The following ZMYM2 variants were observed in gnomAD, a reference collection of about 807,000 sequenced individuals.
The protein encoded by ZMYM2 is zinc finger MYM-type protein 2.
In ZMYM2, 56 loss-of-function variants were observed where a neutral mutation model predicts 162.8. The observed-to-expected ratio is 0.34, with a 90% CI of 0.28 to 0.43. The LOEUF is 0.43. Ranked by LOEUF, ZMYM2 falls within the 20% of genes least tolerant of loss-of-function variation. ZMYM2 has a pLI of 1.00. For missense variants in ZMYM2, 1,275 were observed against 1,621.8 expected (o/e 0.79, Z 3.67); for synonymous variants, 510 against 541.6 (o/e 0.94, Z 0.81).
intron 12 of ZMYM2, among the ~76,000 whole-genome samples, chr13:20,049,576 T>G (rs1303236435): frequency 6.6e-6 from 1 of 152,086 alleles, no homozygotes; most frequent in Non-Finnish European, 1.5e-5. Context: ...CTCTGCTCAT[T>G]TATAGTAACT....
chr13:20,074,898 T>C (rs1957378120), intron 21 of ZMYM2, among the ~76,000 whole-genome samples: 1 of 152,218 alleles, frequency 6.6e-6, no homozygotes, highest in South Asian at 2.1e-4. Flanking sequence ...AAAAGTTGTT[T>C]TACTACTAAA....
chr13:19,991,048 CTGTGTGTGTGTGTGTGTACGTATGTATTT>C (rs762245627), intron 2 of ZMYM2, among the ~76,000 whole-genome samples: 92 of 141,378 alleles, frequency 6.5e-4, no homozygotes, highest in Admixed American at 2.7e-3. Context: ...AATTTTCTCT[CTGTGTGTGTGTGTGTGTACGTATGTATTT>C]TCTGTGTGTG....
intron 9 of ZMYM2, among the ~76,000 whole-genome samples, chr13:20,030,491 T>C (rs951083419): frequency 1.3e-5 from 2 of 150,388 alleles, no homozygotes. Context: ...CTCCACCTCC[T>C]GGGTTCACGC....
chr13:20,007,822 T>C (rs1045400263), intron 6 of ZMYM2, among the ~76,000 whole-genome samples: 1 of 151,934 alleles, frequency 6.6e-6, no homozygotes, highest in Non-Finnish European at 1.5e-5. Context: ...GGATTCACCA[T>C]GTTGGCCAGG....
intron 1 of ZMYM2, among the ~76,000 whole-genome samples, 164 bp downstream of exon 1, chr13:19,959,005 C>T (rs999259469): frequency 2.0e-5 from 3 of 151,896 alleles, no homozygotes; most frequent in Admixed American, 1.3e-4. Context: ...GATTAATACC[C>T]CGCGGCGCGG....
rs1958260378 is a variant in ZMYM2, at chr13:20,086,239, ATTAT to A, written c.*232_*235del. 1 of 345,082 alleles carries A rather than the reference ATTAT, an allele frequency of 2.9e-6. No homozygotes were observed. The highest frequency in any genetic ancestry group is 5.2e-6 in the Non-Finnish European group (1 of 190,658). The allele number at this position is 345,082 out of a possible 1,614,324, so 21.4% of individuals were successfully genotyped here. On this transcript the variant is annotated 3_prime_UTR_variant, in exon 25 of 25. Coordinates refer to ENST00000610343, the MANE Select transcript of ZMYM2 (RefSeq NM_197968.4). ...AATACATTCAAATTCTTTTTTTATT[ATTAT>A]TTATTTGATTAGGTATGTTTGTAAC... is the stretch of plus-strand genomic sequence containing the variant.
the ZMYM2 span, among the ~76,000 whole-genome samples, chr13:19,931,201 T>G: frequency 6.6e-6 from 1 of 151,820 alleles, no homozygotes; most frequent in African/African-American, 2.4e-5. Flanking sequence ...TTTGTTAATA[T>G]TCTCTATTGT....
intron 2 of ZMYM2, among the ~76,000 whole-genome samples, chr13:19,984,778 A>G (rs762795881): frequency 3.7e-4 from 56 of 152,284 alleles, no homozygotes; most frequent in Admixed American, 9.2e-4. Flanking sequence ...TCATAGTTGA[A>G]TGGTTATTCT....
intron 19 of ZMYM2, among the ~76,000 whole-genome samples, chr13:20,065,285 C>T (rs1253775536): frequency 6.6e-6 from 1 of 151,876 alleles, no homozygotes; most frequent in African/African-American, 2.4e-5. Context: ...TGCTTGACAC[C>T]AAACACAACA....
chr13:19,909,365 C>A, the ZMYM2 span, among the ~76,000 whole-genome samples: 1 of 151,352 alleles, frequency 6.6e-6, no homozygotes, highest in South Asian at 2.1e-4. Context: ...AAACCAGTAA[C>A]TTTCCTTCTG....
At chr13:19,927,802 T>C in the ZMYM2 span, among the ~76,000 whole-genome samples, 3,680 of 152,272 alleles carry the variant, frequency 0.024, 114 homozygotes, top group East Asian at 0.13. Flanking sequence ...TCTCCTAACA[T>C]TTTATATTGT....
At chr13:19,881,538 C>G in the ZMYM2 span, among the ~76,000 whole-genome samples, 1 of 151,862 alleles carries the variant, frequency 6.6e-6, no homozygotes, top group African/African-American at 2.4e-5. Flanking sequence ...GGCAGAATTC[C>G]TTGAACCCAG....
At chr13:19,927,842 G>A in the ZMYM2 span, among the ~76,000 whole-genome samples, 1 of 152,078 alleles carries the variant, frequency 6.6e-6, no homozygotes. Context: ...ATCCTAATGG[G>A]ATTAACATAA....
intron 3 of ZMYM2, among the ~76,000 whole-genome samples, chr13:19,999,688 A>G (rs185876800): frequency 2.5e-4 from 38 of 152,358 alleles, no homozygotes; most frequent in African/African-American, 8.4e-4. Context: ...AAAAGCCTAG[A>G]AAGGCTGAGA....
rs1189528855 is a variant in ZMYM2, at chr13:20,030,028, C to G, written c.1852-1291C>G. On this transcript the variant is annotated intron_variant, in intron 9 of 24. Coordinates refer to ENST00000610343, the MANE Select transcript of ZMYM2 (RefSeq NM_197968.4). ...CAGGCTGGTCTCGAACTCCTGACTT[C>G]CAGCGATCCGCCTGCCTCTGCCTCC... Among the ~76,000 whole-genome samples, 5 of 151,868 alleles carry G rather than the reference C, an allele frequency of 3.3e-5. No individual in the cohort carries two copies. The East Asian group carries it at 9.7e-4, about 29-fold the overall frequency.
the ZMYM2 span, among the ~76,000 whole-genome samples, chr13:19,883,854 T>C: frequency 2.6e-5 from 4 of 152,142 alleles, no homozygotes; most frequent in African/African-American, 9.7e-5. Context: ...CCTCCCAAGT[T>C]TGAGTAACTC....
At position 20,052,317 on chromosome 13, in the gene ZMYM2, T is replaced by A; in HGVS notation, c.2493+6T>A. On this transcript the variant is annotated splice_donor_region_variant and intron_variant, in intron 14 of 24. Transcript: ENST00000610343. Reference sequence around the variant, plus strand: ...CATCTCGAACCAAAATGACAGTAAGTATTGGTGAAATGGAGTGCTGAATTG... The same window carrying A: ...CATCTCGAACCAAAATGACAGTAAGAATTGGTGAAATGGAGTGCTGAATTG... 1 of 1,570,544 alleles carries A rather than the reference T, an allele frequency of 6.4e-7. No homozygotes were observed. Among genetic ancestry groups the A allele is most frequent in the Non-Finnish European group, 8.6e-7 (1 of 1,156,976 alleles).
intron 21 of ZMYM2, among the ~76,000 whole-genome samples, chr13:20,068,855 GTTTTAA>G (rs1353032669): frequency 1.3e-5 from 2 of 152,188 alleles, no homozygotes; most frequent in Middle Eastern, 3.4e-3. Context: ...GGCTCCTCTT[GTTTTAA>G]TTCATTCCTA....
the ZMYM2 span, among the ~76,000 whole-genome samples, chr13:19,891,063 C>T: frequency 2.6e-5 from 4 of 151,848 alleles, no homozygotes; most frequent in East Asian, 7.7e-4. Context: ...TGTATCTCCC[C>T]CAAAATGTTT....
Sources: allele counts gnomAD v4.1 joint callset (sites outside exome capture counted in the v4.1 genomes callset), GRCh38; gene constraint gnomAD v4.1.1; transcripts MANE v1.5; gene names NCBI Gene and HGNC (gene_info 2026-07-23, HGNC 2026-07-21).